The following CCNY variants were observed in gnomAD, a reference collection of about 807,000 sequenced individuals.
The protein encoded by CCNY is cyclin-Y.
Under a neutral mutation model 42.8 loss-of-function variants are expected in CCNY, and 19 were observed. The ratio of observed to expected loss-of-function variants is 0.44; its 90% CI spans 0.31 to 0.65. The LOEUF is 0.65. CCNY is among the 30% of genes least tolerant of loss of function. The pLI, the probability that CCNY is intolerant of heterozygous loss-of-function variation, is 0.07. For synonymous variants in CCNY, 165 were observed against 162.7 expected (o/e 1.01, Z -0.11); for missense variants, 370 against 437.3 (o/e 0.85, Z 1.37).
chr10:35,401,174 G>A (rs1040625364), intron 1 of CCNY, among the ~76,000 whole-genome samples: 6 of 152,188 alleles, frequency 3.9e-5, no homozygotes, highest in South Asian at 4.1e-4. Context: ...TAGAATTGTT[G>A]GACTCTACCT....
intron 1 of CCNY, among the ~76,000 whole-genome samples, chr10:35,402,543 G>C (rs1837666643): frequency 6.6e-6 from 1 of 152,150 alleles, no homozygotes; most frequent in Non-Finnish European, 1.5e-5. Flanking sequence ...TTAGCAGTGA[G>C]TAAGTTGAGG....
chr10:35,499,846 AC>A (rs1472492772), intron 2 of CCNY, among the ~76,000 whole-genome samples: 3 of 152,190 alleles, frequency 2.0e-5, no homozygotes, highest in African/African-American at 7.2e-5. Context: ...GTGGGAAATC[AC>A]CATAGAATTA....
At chr10:35,540,402 G>T (rs1296498689) in intron 7 of CCNY, among the ~76,000 whole-genome samples, 2 of 152,132 alleles carry the variant, frequency 1.3e-5, no homozygotes, top group Non-Finnish European at 2.9e-5. Context: ...TTCCCAGTTG[G>T]TCACAGTGTA....
At chr10:35,479,854 ATTTTTCCTGACTC>A (rs1839625296) in intron 1 of CCNY, among the ~76,000 whole-genome samples, 1 of 151,948 alleles carries the variant, frequency 6.6e-6, no homozygotes, top group African/African-American at 2.4e-5. Flanking sequence ...TGGGGATATC[ATTTTTCCTGACTC>A]TGCAATGAGG....
chr10:35,458,597 C>G (rs1839087427), intron 1 of CCNY, among the ~76,000 whole-genome samples: 2 of 152,202 alleles, frequency 1.3e-5, no homozygotes, highest in African/African-American at 2.4e-5. Context: ...TCCCTTTCCT[C>G]AGAAATTACA....
intron 1 of CCNY, among the ~76,000 whole-genome samples, chr10:35,414,518 C>T (rs147301418): frequency 3.9e-5 from 6 of 152,312 alleles, no homozygotes; most frequent in Admixed American, 1.3e-4. Context: ...ATCACCTGTG[C>T]CCTATTCTGT....
At chr10:35,485,250 G>A (rs554150864) in intron 2 of CCNY, among the ~76,000 whole-genome samples, 46 of 152,348 alleles carry the variant, frequency 3.0e-4, no homozygotes, top group Non-Finnish European at 5.6e-4. Context: ...GCAGTAGAGT[G>A]ACCTAAGGAC....
intron 1 of CCNY, among the ~76,000 whole-genome samples, chr10:35,395,347 G>C (rs952671174): frequency 6.6e-6 from 1 of 152,208 alleles, no homozygotes; most frequent in Non-Finnish European, 1.5e-5. Context: ...AGAGATTCCA[G>C]TATAAAACCA....
intron 1 of CCNY, among the ~76,000 whole-genome samples, chr10:35,403,576 G>A (rs1461765897): frequency 2.6e-5 from 4 of 152,120 alleles, no homozygotes; most frequent in Admixed American, 2.0e-4. Flanking sequence ...GAAGTAAAGC[G>A]GCCTTGAGAA....
At chr10:35,273,255 G>A (rs1417205765) in intron 3 of CCNY, among the ~76,000 whole-genome samples, 13 of 151,392 alleles carry the variant, frequency 8.6e-5, no homozygotes, top group Admixed American at 2.0e-4. Context: ...AGGCTGGAGC[G>A]CAGTGGCACA....
chr10:35,413,654 C>T (rs913443961), intron 1 of CCNY, among the ~76,000 whole-genome samples: 5 of 152,018 alleles, frequency 3.3e-5, no homozygotes, highest in African/African-American at 9.7e-5. Flanking sequence ...ATTCTTACAG[C>T]GAGAGCACAA....
chr10:35,302,063 A>G (rs1835543800), intron 3 of CCNY, among the ~76,000 whole-genome samples: 1 of 151,432 alleles, frequency 6.6e-6, no homozygotes, highest in Non-Finnish European at 1.5e-5. Context: ...TCCCAGGTTC[A>G]AGCGATTCTC....
At position 35,566,154 on chromosome 10, in the gene CCNY, C is replaced by T. The variant is rs767618742; in HGVS notation, c.878C>T (p.Pro293Leu). Residue 293 changes from proline (P) to leucine (L), a missense_variant, in exon 9 of 10, where the codon CCC (proline) becomes CTC (leucine). Around this residue, in one of 2 missense-constraint regions of CCNY, gnomAD observed 234 missense variants for 313.1 expected, o/e 0.75. Transcript: ENST00000374704. ...EANNLSFPLE[P>L]LSRERAHKLE... ...AACAACCTGAGCTTTCCCTTGGAGC[C>T]CCTGAGCAGGGAGAGGGCTCACAAG... is the stretch of plus-strand genomic sequence containing the variant. 1.2e-6 allele frequency: 2 copies of T among 1,614,136 alleles called. No individual in the cohort carries two copies. The highest frequency in any genetic ancestry group is 1.7e-6 in the Non-Finnish European group (2 of 1,180,012).
At chr10:35,352,150 G>A (rs1235596658) in intron 1 of CCNY, among the ~76,000 whole-genome samples, 1 of 152,190 alleles carries the variant, frequency 6.6e-6, no homozygotes, top group Non-Finnish European at 1.5e-5. Context: ...TGATTGCAAA[G>A]CTGTATTTAA....
At chr10:35,405,438 A>G (rs1302137928) in intron 1 of CCNY, among the ~76,000 whole-genome samples, 1 of 152,182 alleles carries the variant, frequency 6.6e-6, no homozygotes, top group Non-Finnish European at 1.5e-5. Context: ...GTACAGCTGT[A>G]GCCCAGGAAT....
At chr10:35,476,527 G>C (rs1839514633) in intron 1 of CCNY, among the ~76,000 whole-genome samples, 1 of 152,034 alleles carries the variant, frequency 6.6e-6, no homozygotes, top group Admixed American at 6.5e-5. Context: ...ACCTGCTCCT[G>C]AATGACTACT....
chr10:35,527,822 A>G (rs960345830), intron 5 of CCNY, among the ~76,000 whole-genome samples: 1 of 152,218 alleles, frequency 6.6e-6, no homozygotes, highest in African/African-American at 2.4e-5. Context: ...CTTCGCTCTC[A>G]TACTAGGCTG....
At chr10:35,344,184 A>G (rs1377487112) in intron 1 of CCNY, among the ~76,000 whole-genome samples, 4 of 152,210 alleles carry the variant, frequency 2.6e-5, no homozygotes, top group Non-Finnish European at 5.9e-5. Context: ...TCCTGAAGAA[A>G]GGAGAGGCTC....
At chr10:35,432,792 G>A (rs1211476938) in intron 1 of CCNY, among the ~76,000 whole-genome samples, 1 of 152,128 alleles carries the variant, frequency 6.6e-6, no homozygotes, top group Non-Finnish European at 1.5e-5. Context: ...TTCTCCCTAG[G>A]AAAAATCCAT....
Sources: gnomAD v4.1 joint callset for allele counts (sites outside exome capture counted in the v4.1 genomes callset) on GRCh38, gnomAD v4.1.1 for gene constraint, gnomAD v4.1.1 regional missense constraint, MANE v1.5 for transcripts, NCBI Gene and HGNC (gene_info 2026-07-23, HGNC 2026-07-21) for gene names.